Variants in SPRY3 observed in about 807,000 individuals in gnomAD.
The protein encoded by SPRY3 is protein sprouty homolog 3.
Under a neutral mutation model 20.2 loss-of-function variants are expected in SPRY3, and 15 were observed. The ratio of observed to expected loss-of-function variants is 0.74; its 90% CI spans 0.50 to 1.14. The LOEUF is 1.14. Among genes scored for constraint, SPRY3 ranks in the 50% most tolerant of loss-of-function variants. The pLI is 0.00. For missense variants in SPRY3, 364 were observed against 363.9 expected (o/e 1.00, Z 0.00); for synonymous variants, 143 against 136.5 (o/e 1.05, Z -0.33).
At chrX:155,616,451 G>A (rs2067854478) in intron 1 of SPRY3, among the ~76,000 whole-genome samples, 1 of 110,678 alleles carries the variant, frequency 9.0e-6, no homozygotes, top group South Asian at 3.9e-4. Context: ...GAGGAATCCT[G>A]CGTTAGACAG....
rs140559814 is a variant in SPRY3, at chrX:155,633,058, G to A, written c.-441+20411G>A. Reference sequence around the variant, plus strand: ...ATAAGGACAAAGTGATTATCACAATGTTTTGGTCCTCAACAATTTTTGATG... The same window carrying A: ...ATAAGGACAAAGTGATTATCACAATATTTTGGTCCTCAACAATTTTTGATG... On this transcript the variant is annotated intron_variant, in intron 1 of 3. Coordinates refer to ENST00000675360, the Ensembl canonical transcript of SPRY3. 3.1e-4 allele frequency among the ~76,000 whole-genome samples: 34 copies of A among 111,323 alleles called. No homozygotes were observed. The East Asian group carries it at 8.8e-3, about 29-fold the overall frequency.
At chrX:155,630,235 G>T (rs1428287238) in intron 1 of SPRY3, among the ~76,000 whole-genome samples, 1 of 111,557 alleles carries the variant, frequency 9.0e-6, no homozygotes, top group Non-Finnish European at 1.9e-5. Flanking sequence ...TCCTTCAATC[G>T]CCATACTAAA....
At chrX:155,619,527 A>G (rs1388651094) in intron 1 of SPRY3, among the ~76,000 whole-genome samples, 1 of 111,086 alleles carries the variant, frequency 9.0e-6, no homozygotes, top group Non-Finnish European at 1.9e-5. Flanking sequence ...ACCTCATACC[A>G]TAAAAAAAAC....
chrX:155,777,793 C>T (rs1024222515), downstream of SPRY3: 1 of 166,028 alleles, frequency 6.0e-6, no homozygotes, highest in Non-Finnish European at 1.5e-5. Context: ...GAGGGTGTTT[C>T]CTGCTTAGCA....
intron 2 of SPRY3, among the ~76,000 whole-genome samples, chrX:155,744,280 T>G (rs1283716302): frequency 1.3e-5 from 2 of 151,872 alleles, no homozygotes; most frequent in East Asian, 1.9e-4. Flanking sequence ...TGGAGAAAAA[T>G]GAACAGAATG....
rs143912822 is a variant in SPRY3 at position 155,750,279 on chromosome X, G to A, written c.-281-17683G>A. Among the ~76,000 whole-genome samples, 1,421 of 151,826 alleles carry A rather than the reference G, an allele frequency of 9.4e-3. 14 individuals carry two copies. The highest frequency in any genetic ancestry group is 0.034 in the East Asian group (174 of 5,154). ...AACAATAGGCACTGGAGACTAGTGC[G>A]GGGGGAAGGGAAGAGTGTAAGGGTT... On this transcript the variant is annotated intron_variant, in intron 2 of 3. Transcript: ENST00000675360.
chrX:155,676,789 G>A lies in SPRY3; in HGVS notation c.-282+19764G>A, dbSNP rs150714627. ...AGAGGGAACCAGCTCCCTCTGTGAA[G>A]CCCCTTTATAGGGACACCTAATTCC... On this transcript the variant is annotated intron_variant, in intron 2 of 3. Coordinates refer to ENST00000675360, the Ensembl canonical transcript of SPRY3. Among the ~76,000 whole-genome samples, 773 of 111,853 alleles carry A rather than the reference G, an allele frequency of 6.9e-3. 6 individuals carry two copies. The highest frequency in any genetic ancestry group is 0.024 in the African/African-American group (733 of 30,831).
chrX:155,774,795 T>C (rs1453823856), exon 4 of SPRY3: 12 of 1,543,716 alleles, frequency 7.8e-6, no homozygotes, highest in African/African-American at 4.1e-5. Context: ...CAGCAAAGCA[T>C]AGGCCTCATC....
chrX:155,683,942 A>G (rs2068080688), intron 2 of SPRY3, among the ~76,000 whole-genome samples: 1 of 110,657 alleles, frequency 9.0e-6, no homozygotes, highest in African/African-American at 3.3e-5. Context: ...GCTGTCCTGG[A>G]AGCCAGCAAA....
At chrX:155,644,332 T>C (rs2067951010) in intron 1 of SPRY3, among the ~76,000 whole-genome samples, 1 of 108,618 alleles carries the variant, frequency 9.2e-6, no homozygotes, top group Admixed American at 1.0e-4. Context: ...CTGTAACCAC[T>C]ACCTACCTGG....
At chrX:155,709,300 G>A (rs1441040336) in intron 2 of SPRY3, among the ~76,000 whole-genome samples, 1 of 151,646 alleles carries the variant, frequency 6.6e-6, no homozygotes, top group Admixed American at 6.6e-5. Flanking sequence ...ATGTATAAAG[G>A]TTCCCTTTTC....
At chrX:155,714,272 C>T (rs2091006336) in intron 2 of SPRY3, among the ~76,000 whole-genome samples, 2 of 152,098 alleles carry the variant, frequency 1.3e-5, no homozygotes, top group South Asian at 4.2e-4. Context: ...AGATGTTCTT[C>T]AGTGTCTGAG....
intron 2 of SPRY3, among the ~76,000 whole-genome samples, chrX:155,670,363 C>G (rs2068036464): frequency 8.9e-6 from 1 of 111,936 alleles, no homozygotes; most frequent in South Asian, 3.7e-4. Context: ...TTGGCCTTGT[C>G]CAATTCTTTC....
chrX:155,613,821 A>T (rs1286313037), intron 1 of SPRY3, among the ~76,000 whole-genome samples: 2 of 110,953 alleles, frequency 1.8e-5, no homozygotes, highest in Non-Finnish European at 3.8e-5. Context: ...CCCTAGGTCC[A>T]GTATGCCCAA....
At position 155,650,631 on chromosome X, in the gene SPRY3, T is replaced by C. The variant is rs59970570; in HGVS notation, c.-440-6236T>C. Among the ~76,000 whole-genome samples, 994 of 111,832 alleles carry C rather than the reference T, an allele frequency of 8.9e-3. 9 individuals carry two copies. The highest frequency in any genetic ancestry group is 0.031 in the African/African-American group (942 of 30,640). On this transcript the variant is annotated intron_variant, in intron 1 of 3. Transcript: ENST00000675360. Reference sequence around the variant, plus strand: ...TTTTTCAAGTCCTCTACATATTGAATTTTTTGTACATTTGTGCAGCAGCCG... The same window carrying C: ...TTTTTCAAGTCCTCTACATATTGAACTTTTTGTACATTTGTGCAGCAGCCG...
intron 1 of SPRY3, among the ~76,000 whole-genome samples, chrX:155,626,463 A>G (rs1382691821): frequency 9.0e-6 from 1 of 111,530 alleles, no homozygotes; most frequent in Non-Finnish European, 1.9e-5. Context: ...CTTGTCAGAT[A>G]TATGATTTGC....
intron 3 of SPRY3, among the ~76,000 whole-genome samples, chrX:155,773,307 G>GATATATAT (rs1556238552): frequency 0.011 from 1,359 of 120,504 alleles, 13 homozygotes; most frequent in African/African-American, 0.013. Flanking sequence ...ATTTTGATTG[G>GATATATAT]ATATATATAT....
At chrX:155,737,614 A>G (rs956023745) in intron 2 of SPRY3, among the ~76,000 whole-genome samples, 52 of 152,296 alleles carry the variant, frequency 3.4e-4, no homozygotes, top group African/African-American at 1.2e-3. Context: ...TGAATAAAAA[A>G]TGTTCCAAAC....
chrX:155,641,877 A>G (rs1603118515), intron 1 of SPRY3, among the ~76,000 whole-genome samples: 1 of 114,803 alleles, frequency 8.7e-6, no homozygotes, highest in African/African-American at 3.2e-5. Flanking sequence ...GGGAGCGAGG[A>G]CACAGGGAAG....
Sources: gnomAD v4.1 joint callset for allele counts (sites outside exome capture counted in the v4.1 genomes callset) on GRCh38, gnomAD v4.1.1 for gene constraint, MANE v1.5 for transcripts, NCBI Gene and HGNC (gene_info 2026-07-23, HGNC 2026-07-21) for gene names.